Variants in RBFOX1 observed in about 807,000 individuals in gnomAD.
RBFOX1 encodes the protein RNA binding protein fox-1 homolog 1.
RBFOX1 carries 8 observed loss-of-function variants against 57.7 expected under a neutral mutation model. The ratio of observed to expected loss-of-function variants is 0.14; its 90% CI spans 0.08 to 0.25. The LOEUF (loss-of-function observed/expected upper bound fraction) is 0.25, where lower values mean the gene tolerates loss of function less well. RBFOX1 is among the 10% of genes least tolerant of loss of function. The pLI, the probability that RBFOX1 is intolerant of heterozygous loss-of-function variation, is 1.00. For synonymous variants in RBFOX1, 326 were observed against 222.4 expected, an observed-to-expected ratio of 1.47 and a Z score of -4.15; for missense variants, 611 against 548.5, an observed-to-expected ratio of 1.11 and a Z score of -1.14.
chr16:5,519,672 C>T (rs202168075), intron 2 of RBFOX1, among the ~76,000 whole-genome samples: 2 of 152,148 alleles, frequency 1.3e-5, no homozygotes, highest in Admixed American at 6.6e-5. Context: ...CTGCAGTGAA[C>T]GAAGATTATC....
At chr16:7,402,575 G>C (rs551642195) in intron 4 of RBFOX1, among the ~76,000 whole-genome samples, 1 of 152,182 alleles carries the variant, frequency 6.6e-6, no homozygotes, top group African/African-American at 2.4e-5. Context: ...GTGGAAAGAT[G>C]ATTATTCCTT....
chr16:6,543,080 G>C (rs186260804), intron 2 of RBFOX1, among the ~76,000 whole-genome samples: 1 of 152,214 alleles, frequency 6.6e-6, no homozygotes, highest in East Asian at 1.9e-4. Flanking sequence ...CAATAGTTTT[G>C]TTCATTTCAA....
intron 1 of RBFOX1, among the ~76,000 whole-genome samples, chr16:6,024,709 G>T (rs1452668106): frequency 6.6e-6 from 1 of 152,116 alleles, no homozygotes; most frequent in Non-Finnish European, 1.5e-5. Flanking sequence ...TTAAACGCCT[G>T]ACCTCAAGTG....
At chr16:6,971,227 G>A (rs983201625) in intron 3 of RBFOX1, among the ~76,000 whole-genome samples, 2 of 152,174 alleles carry the variant, frequency 1.3e-5, no homozygotes, top group Non-Finnish European at 2.9e-5. Context: ...TGTGCTAAAA[G>A]GCAGCTGAAT....
intron 2 of RBFOX1, among the ~76,000 whole-genome samples, chr16:6,358,802 A>T (rs942531878): frequency 6.6e-6 from 1 of 152,198 alleles, no homozygotes; most frequent in African/African-American, 2.4e-5. Flanking sequence ...TTGTGAATTT[A>T]GAGAAGAGTG....
At chr16:7,151,776 G>A (rs2076158733) in intron 4 of RBFOX1, among the ~76,000 whole-genome samples, 1 of 152,030 alleles carries the variant, frequency 6.6e-6, no homozygotes. Context: ...GGTGATGGTA[G>A]GAAGTGACAG....
At chr16:6,560,015 G>A (rs548175666) in intron 2 of RBFOX1, among the ~76,000 whole-genome samples, 76 of 152,108 alleles carry the variant, frequency 5.0e-4, no homozygotes, top group Middle Eastern at 3.4e-3. Flanking sequence ...TTGAGTTCCC[G>A]TAAAAATCAC....
intron 1 of RBFOX1, among the ~76,000 whole-genome samples, chr16:6,139,595 A>G (rs2096697777): frequency 6.6e-6 from 1 of 152,206 alleles, no homozygotes; most frequent in Non-Finnish European, 1.5e-5. Flanking sequence ...AAGAAATGGA[A>G]AAGTTATCCC....
chr16:7,694,232 C>A (rs374160417), intron 14 of RBFOX1, among the ~76,000 whole-genome samples: 1 of 152,180 alleles, frequency 6.6e-6, no homozygotes, highest in South Asian at 2.1e-4. Flanking sequence ...TACAACTTAT[C>A]ACTACATAAC....
chr16:5,961,484 AAAC>A (rs1039530148), intron 4 of RBFOX1, among the ~76,000 whole-genome samples: 1 of 135,326 alleles, frequency 7.4e-6, no homozygotes, highest in Admixed American at 7.5e-5. Flanking sequence ...TGTTTAAAAA[AAAC>A]AAAACAAAAC....
intron 2 of RBFOX1, among the ~76,000 whole-genome samples, chr16:5,547,914 C>T (rs1355449035): frequency 2.0e-5 from 3 of 151,880 alleles, no homozygotes; most frequent in African/African-American, 4.8e-5. Context: ...AATCCTAGCA[C>T]TTTGGGAGGC....
Position 5,458,345 on chromosome 16 carries a change from A to G in RBFOX1, c.220-8871A>G, listed in dbSNP as rs1597148297. ...AATAAGAAAAAAAACGGTGGGGAGG[A>G]AGGGGGTTGAGGGTCTGTGGATGGG... On this transcript the variant is annotated intron_variant, in intron 1 of 2. Coordinates refer to the RBFOX1 transcript ENST00000585867. Among the ~76,000 whole-genome samples, 4 of 152,030 alleles carry G rather than the reference A, an allele frequency of 2.6e-5. 1 individual carries two copies. In the South Asian group the frequency reaches 8.3e-4, roughly 32 times the overall value.
intron 3 of RBFOX1, among the ~76,000 whole-genome samples, chr16:6,805,551 TTC>T (rs1283708627): frequency 6.6e-6 from 1 of 152,016 alleles, no homozygotes; most frequent in Non-Finnish European, 1.5e-5. Flanking sequence ...GTTAAAAAAA[TTC>T]TCACTTCAGT....
At chr16:7,192,403 C>A (rs192481492) in intron 4 of RBFOX1, among the ~76,000 whole-genome samples, 25 of 152,218 alleles carry the variant, frequency 1.6e-4, no homozygotes, top group African/African-American at 5.8e-4. Context: ...TGCTTAGGAG[C>A]TTTAGACTCA....
At chr16:5,500,116 CCCT>C (rs756215499) in intron 2 of RBFOX1, among the ~76,000 whole-genome samples, 1,734 of 95,554 alleles carry the variant, frequency 0.018, 18 homozygotes, top group Middle Eastern at 0.052. Context: ...TCCCTCCCTT[CCCT>C]CCTTCCCTCC....
chr16:7,615,201 C>T (rs1013704315), intron 10 of RBFOX1, among the ~76,000 whole-genome samples: 9 of 152,212 alleles, frequency 5.9e-5, no homozygotes, highest in East Asian at 1.9e-4. Context: ...GGCGTGGTGG[C>T]GGGCACCTGT....
intron 2 of RBFOX1, among the ~76,000 whole-genome samples, chr16:5,548,158 TAAAAAAAAA>T (rs59117140): frequency 3.2e-4 from 26 of 82,444 alleles, no homozygotes; most frequent in Non-Finnish European, 4.3e-4. Context: ...AAGACTCTGT[TAAAAAAAAA>T]AAAAAAAATA....
rs115278481 is a variant in RBFOX1, at chr16:6,983,402, A to G, written c.-15-68655A>G. Among the ~76,000 whole-genome samples the G allele has an allele frequency of 3.8e-3, 578 of 151,544 alleles. 8 individuals are homozygous for G. The highest frequency in any genetic ancestry group is 0.013 in the African/African-American group (553 of 41,282). ...AAGCTAGGGTGGGAGAATATCGAGA[A>G]TGATATAATTATCTATTTGCTGCTT... is the stretch of plus-strand genomic sequence containing the variant. On this transcript the variant is annotated intron_variant, in intron 3 of 15. Coordinates refer to ENST00000550418, the MANE Select transcript of RBFOX1 (RefSeq NM_018723.4).
At chr16:7,576,887 G>T (rs558218941) in intron 5 of RBFOX1, among the ~76,000 whole-genome samples, 1 of 152,140 alleles carries the variant, frequency 6.6e-6, no homozygotes, top group East Asian at 1.9e-4. Flanking sequence ...TGGAAGCTTA[G>T]GGTTTCAGCT....
Sources: allele counts gnomAD v4.1 joint callset (sites outside exome capture counted in the v4.1 genomes callset), GRCh38; gene constraint gnomAD v4.1.1; transcripts MANE v1.5; gene names NCBI Gene and HGNC (gene_info 2026-07-23, HGNC 2026-07-21).